The following COMMD1 variants were observed in gnomAD, a reference collection of about 807,000 sequenced individuals.
COMMD1 encodes COMM domain-containing protein 1.
A neutral mutation model predicts 17.2 loss-of-function variants in COMMD1; 10 were observed. The observed-to-expected ratio is 0.58, with a 90% CI of 0.36 to 0.99. The LOEUF is 0.99. Ranked by LOEUF, COMMD1 falls within the 50% of genes least tolerant of loss-of-function variation. COMMD1 has a pLI of 0.01. For synonymous variants in COMMD1, 97 were observed against 91.6 expected (o/e 1.06, Z -0.34); for missense variants, 270 against 231.8 (o/e 1.17, Z -1.07).
chr2:62,087,804 A>G (rs1671710489), intron 2 of COMMD1, among the ~76,000 whole-genome samples: 1 of 152,204 alleles, frequency 6.6e-6, no homozygotes, highest in African/African-American at 2.4e-5. Context: ...TGCATCCACC[A>G]TGTGTTAGTC....
rs745883793 is a variant in COMMD1 at position 61,915,493 on chromosome 2, T to TA, written c.180+9640dup. Among the ~76,000 whole-genome samples the TA allele has an allele frequency of 1.6e-4, 24 of 152,228 alleles. No homozygotes were observed. In the South Asian group the frequency reaches 2.1e-3, roughly 13 times the overall value. On this transcript the variant is annotated intron_variant, in intron 1 of 2. Transcript: ENST00000311832. The stretch of plus-strand genomic sequence containing the variant: ...CCTTCAAACACATTTAAAAATTGAT[T>TA]AAAAATTTCTTAAGAGACATAGTCT...
intron 1 of COMMD1, among the ~76,000 whole-genome samples, chr2:61,933,092 G>C (rs937200501): frequency 7.2e-5 from 11 of 152,080 alleles, no homozygotes; most frequent in African/African-American, 2.7e-4. Context: ...GATTGTGTGG[G>C]AAGAAGGTGA....
chr2:61,909,417 C>T (rs1669849979), intron 1 of COMMD1, among the ~76,000 whole-genome samples: 1 of 151,910 alleles, frequency 6.6e-6, no homozygotes, highest in Admixed American at 6.6e-5. Context: ...TTTTTGCTGC[C>T]CTTGAAGAAA....
chr2:61,991,113 T>G (rs1158075398), intron 1 of COMMD1, among the ~76,000 whole-genome samples: 1 of 151,998 alleles, frequency 6.6e-6, no homozygotes, highest in African/African-American at 2.4e-5. Context: ...AAGTGATGAA[T>G]TACATTTTCA....
intron 2 of COMMD1, among the ~76,000 whole-genome samples, chr2:62,094,862 C>G (rs1671955655): frequency 6.6e-6 from 1 of 152,238 alleles, no homozygotes; most frequent in Admixed American, 6.5e-5. Flanking sequence ...ACTGGCTGAT[C>G]TATCTCTGAG....
chr2:62,028,081 T>C lies in COMMD1; in HGVS notation c.462+27099T>C, dbSNP rs570903661. On this transcript the variant is annotated intron_variant, in intron 2 of 2. Coordinates refer to ENST00000311832, the MANE Select transcript of COMMD1 (RefSeq NM_152516.4). ...GTAGAAAGTCCTCTTCACATTAGAA[T>C]TGAAACTCAGTGACTACTGTATTTA... 1.5e-4 allele frequency among the ~76,000 whole-genome samples: 23 copies of C among 152,308 alleles called. No homozygotes were observed. In the South Asian group the frequency reaches 3.3e-3, roughly 22 times the overall value.
chr2:61,976,474 T>C (rs1671805687), intron 1 of COMMD1, among the ~76,000 whole-genome samples: 1 of 152,168 alleles, frequency 6.6e-6, no homozygotes, highest in Non-Finnish European at 1.5e-5. Context: ...AACATGTCTT[T>C]AATGTGTATA....
chr2:62,104,033 G>A (rs527630649), intron 2 of COMMD1, among the ~76,000 whole-genome samples: 1 of 152,136 alleles, frequency 6.6e-6, no homozygotes, highest in South Asian at 2.1e-4. Context: ...TATAGTCAGG[G>A]TCTCACTTTG....
chr2:62,010,595 T>C (rs1446644816), intron 2 of COMMD1, among the ~76,000 whole-genome samples: 1 of 152,170 alleles, frequency 6.6e-6, no homozygotes, highest in East Asian at 1.9e-4. Flanking sequence ...CAAAACTAAG[T>C]TCCTCATATA....
intron 2 of COMMD1, among the ~76,000 whole-genome samples, chr2:62,107,137 C>T (rs754407263): frequency 1.3e-5 from 2 of 152,178 alleles, no homozygotes; most frequent in African/African-American, 2.4e-5. Context: ...AGGCAAAATT[C>T]ATTAATGGTT....
intron 2 of COMMD1, among the ~76,000 whole-genome samples, chr2:62,134,974 A>C (rs1003430496): frequency 6.6e-6 from 1 of 152,186 alleles, no homozygotes; most frequent in Non-Finnish European, 1.5e-5. Context: ...AACTTGTCAC[A>C]ATTTCTGGCA....
upstream of COMMD1, among the ~76,000 whole-genome samples, chr2:61,903,869 G>GT (rs2105167200): frequency 6.6e-6 from 1 of 152,076 alleles, no homozygotes; most frequent in Admixed American, 6.6e-5. Context: ...GGAAGGGTAG[G>GT]AATGGAATAG....
At chr2:62,045,631 AC>A (rs1340025092) in intron 2 of COMMD1, among the ~76,000 whole-genome samples, 1 of 147,522 alleles carries the variant, frequency 6.8e-6, no homozygotes, top group African/African-American at 2.5e-5. Context: ...CAAACTCCCG[AC>A]CTCAAGGGAT....
chr2:61,927,558 G>A (rs372746113), intron 1 of COMMD1, among the ~76,000 whole-genome samples: 15 of 151,922 alleles, frequency 9.9e-5, no homozygotes, highest in East Asian at 7.7e-4. Context: ...CACCATGCCC[G>A]GCTAATTTTT....
At position 61,905,753 on chromosome 2, in the gene COMMD1, C is replaced by T. The variant is rs777085515; in HGVS notation, c.75C>T (p.His25=). The part of the protein sequence containing the change: ...LLNALAQDTF[H]GYPGITEELL... Reference sequence around the variant, plus strand: ...ATGCGCTGGCCCAGGACACTTTCCACGGGTACCCCGGCATCACAGAGGAGC... The same window carrying T: ...ATGCGCTGGCCCAGGACACTTTCCATGGGTACCCCGGCATCACAGAGGAGC... Residue 25 remains histidine, a synonymous_variant, in exon 1 of 3, where the codon CAC becomes CAT. Coordinates refer to ENST00000311832, the MANE Select transcript of COMMD1 (RefSeq NM_152516.4). 8 of 1,613,838 alleles carry T rather than the reference C, an allele frequency of 5.0e-6. No individual in the cohort carries two copies. Among genetic ancestry groups the T allele is most frequent in the Admixed American group, 1.7e-5 (1 of 59,974 alleles).
At chr2:61,987,938 T>C (rs555095161) in intron 1 of COMMD1, among the ~76,000 whole-genome samples, 84 of 152,332 alleles carry the variant, frequency 5.5e-4, no homozygotes, top group African/African-American at 2.0e-3. Context: ...GGAGAGCCTC[T>C]GCCTGTATCT....
At chr2:61,995,320 C>A (rs375760799) in intron 1 of COMMD1, among the ~76,000 whole-genome samples, 1 of 152,122 alleles carries the variant, frequency 6.6e-6, no homozygotes, top group East Asian at 1.9e-4. Context: ...CCCCTCATTA[C>A]GTATATATAA....
chr2:61,951,745 ATCAC>A (rs752260408), intron 1 of COMMD1, among the ~76,000 whole-genome samples: 1 of 152,184 alleles, frequency 6.6e-6, no homozygotes, highest in Admixed American at 6.5e-5. Flanking sequence ...GAACATATCT[ATCAC>A]TCCCAAAAAT....
At chr2:61,963,955 CAGG>C (rs1356562002) in intron 1 of COMMD1, among the ~76,000 whole-genome samples, 1 of 152,184 alleles carries the variant, frequency 6.6e-6, no homozygotes, top group Non-Finnish European at 1.5e-5. Flanking sequence ...AGTCTTCCAC[CAGG>C]GTTGGTGATG....
Sources: gnomAD v4.1 joint callset for allele counts (sites outside exome capture counted in the v4.1 genomes callset) on GRCh38, gnomAD v4.1.1 for gene constraint, MANE v1.5 for transcripts, NCBI Gene and HGNC (gene_info 2026-07-23, HGNC 2026-07-21) for gene names.